Variants in ZBTB38 observed in about 807,000 individuals in gnomAD.
The protein encoded by ZBTB38 is zinc finger and BTB domain-containing protein 38.
A neutral mutation model predicts 76.8 loss-of-function variants in ZBTB38; 20 were observed. The ratio of observed to expected loss-of-function variants is 0.26; its 90% CI spans 0.18 to 0.38. The LOEUF (loss-of-function observed/expected upper bound fraction) is 0.38. Among genes scored for constraint, ZBTB38 ranks in the 10% least tolerant of loss-of-function variants. ZBTB38 has a pLI of 1.00. For missense variants in ZBTB38, 1,082 were observed against 1,482.3 expected, an observed-to-expected ratio of 0.73 and a Z score of 4.43; for synonymous variants, 504 against 544.2, an observed-to-expected ratio of 0.93 and a Z score of 1.03.
At chr3:141,379,562 T>G (rs1247576214) in intron 2 of ZBTB38, among the ~76,000 whole-genome samples, 1 of 152,208 alleles carries the variant, frequency 6.6e-6, no homozygotes, top group Non-Finnish European at 1.5e-5. Context: ...GGCTGTGAGT[T>G]GGCAACCAGG....
chr3:141,361,232 G>A (rs150752579), intron 1 of ZBTB38, among the ~76,000 whole-genome samples: 1 of 152,314 alleles, frequency 6.6e-6, no homozygotes, highest in East Asian at 1.9e-4. Flanking sequence ...AGTGTTTTTA[G>A]ATATGGCGGG....
intron 1 of ZBTB38, among the ~76,000 whole-genome samples, chr3:141,352,313 T>G (rs879042587): frequency 1.3e-5 from 2 of 152,054 alleles, no homozygotes; most frequent in African/African-American, 4.8e-5. Context: ...CCTGCCTCCT[T>G]CTGGGGTTAC....
Position 141,331,200 on chromosome 3 carries a change from A to G in ZBTB38, c.-739+6744A>G, listed in dbSNP as rs556380137. Among the ~76,000 whole-genome samples, 77 of 152,344 alleles carry G rather than the reference A, an allele frequency of 5.1e-4. No homozygotes were observed. In the South Asian group the frequency reaches 0.016, roughly 31 times the overall value. ...AATATCTCATTTACTCTTCTGTTGA[A>G]GCATGCACTATGCAATGTGTGACAC... On this transcript the variant is annotated intron_variant, in intron 1 of 7. Transcript: ENST00000509842.
chr3:141,392,526 C>T (rs567092055), intron 4 of ZBTB38, among the ~76,000 whole-genome samples: 9 of 152,122 alleles, frequency 5.9e-5, no homozygotes, highest in Non-Finnish European at 1.2e-4. Context: ...TTATACTGTT[C>T]GCTAGAGGCC....
intron 4 of ZBTB38, among the ~76,000 whole-genome samples, chr3:141,391,230 T>C (rs1031866228): frequency 6.6e-6 from 1 of 152,158 alleles, no homozygotes; most frequent in African/African-American, 2.4e-5. Context: ...AGAGCCACTT[T>C]AAAATGGTTG....
At chr3:141,354,419 C>T (rs1943604358) in intron 1 of ZBTB38, among the ~76,000 whole-genome samples, 1 of 152,108 alleles carries the variant, frequency 6.6e-6, no homozygotes, top group Non-Finnish European at 1.5e-5. Flanking sequence ...GGTGGCCATT[C>T]TCATCTCTGT....
In ZBTB38 at chr3:141,444,764, A is replaced by C; in HGVS notation, c.2376A>C (p.Ser792=). 1 of 1,614,184 alleles carries C rather than the reference A, an allele frequency of 6.2e-7. No individual in the cohort carries two copies. ...CCAGGGGAGAAATACCGGAGGAGTC[A>C]AACTATGTTGCTGATCCTGGAGGAT... ...SHTRGEIPEE[S]NYVADPGGSL... The change falls in exon 6 of 6, where the codon TCA becomes TCC. Residue 792 remains serine (S), a synonymous_variant. Coordinates refer to ENST00000321464, the MANE Select transcript of ZBTB38 (RefSeq NM_001376113.1). The surrounding 1 kb of genome is among the most constrained non-coding windows in gnomAD (Gnocchi z 5.1).
chr3:141,403,453 G>T (rs1264424564), intron 4 of ZBTB38, among the ~76,000 whole-genome samples: 1 of 152,214 alleles, frequency 6.6e-6, no homozygotes, highest in East Asian at 1.9e-4. Context: ...TCTTCTTAAA[G>T]ATATAGAATA....
At chr3:141,431,374 G>A (rs2077570112) in intron 5 of ZBTB38, among the ~76,000 whole-genome samples, 1 of 141,410 alleles carries the variant, frequency 7.1e-6, no homozygotes, top group Non-Finnish European at 1.5e-5. Context: ...GACTCTGAGT[G>A]TCAGTGGAAT....
chr3:141,430,893 T>C (rs144741497), intron 5 of ZBTB38, among the ~76,000 whole-genome samples: 142 of 152,240 alleles, frequency 9.3e-4, no homozygotes, highest in African/African-American at 3.3e-3. Context: ...CACAAGGAAA[T>C]GACGGTTGGC....
At chr3:141,437,303 T>C (rs2079026021) in intron 5 of ZBTB38, among the ~76,000 whole-genome samples, 1 of 152,178 alleles carries the variant, frequency 6.6e-6, no homozygotes, top group Non-Finnish European at 1.5e-5. Flanking sequence ...TCTGCAGCAC[T>C]CAATTCCAGC....
chr3:141,330,216 T>A (rs1228482689), intron 1 of ZBTB38, among the ~76,000 whole-genome samples: 4 of 152,110 alleles, frequency 2.6e-5, no homozygotes, highest in African/African-American at 4.8e-5. Context: ...GTGTGTCTGG[T>A]CCAGCTTTCA....
chr3:141,342,830 A>G (rs541460049), intron 1 of ZBTB38, among the ~76,000 whole-genome samples: 1 of 151,072 alleles, frequency 6.6e-6, no homozygotes, highest in African/African-American at 2.5e-5. Context: ...TGAGAGAAAT[A>G]ATGATTCAGG....
At chr3:141,391,897 G>A (rs1051235810) in intron 4 of ZBTB38, among the ~76,000 whole-genome samples, 3 of 152,034 alleles carry the variant, frequency 2.0e-5, no homozygotes, top group African/African-American at 7.3e-5. Flanking sequence ...TTTGCCTGTT[G>A]GTGGCTTTCT....
At chr3:141,410,550 A>G (rs1361054941) in intron 5 of ZBTB38, among the ~76,000 whole-genome samples, 1 of 152,182 alleles carries the variant, frequency 6.6e-6, no homozygotes, top group East Asian at 1.9e-4. Flanking sequence ...GTCAGCAGCA[A>G]AGCTTAAAGA....
At chr3:141,376,383 T>C (rs1945354593) in intron 2 of ZBTB38, among the ~76,000 whole-genome samples, 2 of 152,346 alleles carry the variant, frequency 1.3e-5, no homozygotes, top group South Asian at 4.1e-4. Flanking sequence ...ATTTTGTTGA[T>C]GATCCCCAAG....
At chr3:141,373,858 G>T (rs187475472) in intron 2 of ZBTB38, among the ~76,000 whole-genome samples, 2 of 152,320 alleles carry the variant, frequency 1.3e-5, no homozygotes, top group Non-Finnish European at 2.9e-5. Context: ...GGCCGGGAGT[G>T]GTGGCTCACA....
chr3:141,329,866 C>A (rs757948718), intron 1 of ZBTB38, among the ~76,000 whole-genome samples: 2 of 151,360 alleles, frequency 1.3e-5, no homozygotes, highest in Non-Finnish European at 3.0e-5. Context: ...CGGTGGCTCA[C>A]GCCTGTAATC....
chr3:141,418,766 G>T (rs1188598891), intron 5 of ZBTB38, among the ~76,000 whole-genome samples: 1 of 152,172 alleles, frequency 6.6e-6, no homozygotes, highest in Non-Finnish European at 1.5e-5. Flanking sequence ...GCTAGCTAAG[G>T]TCTCTATATT....
Sources: gnomAD v4.1 joint callset for allele counts (sites outside exome capture counted in the v4.1 genomes callset) on GRCh38, gnomAD v4.1.1 for gene constraint, Gnocchi (gnomAD v3.1) non-coding constraint, MANE v1.5 for transcripts, NCBI Gene and HGNC (gene_info 2026-07-23, HGNC 2026-07-21) for gene names.